Variants in RAB27B observed in about 807,000 individuals in gnomAD.
RAB27B encodes RAB27B, member RAS oncogene family, also known as ras-related protein Rab-27B.
RAB27B carries 15 observed loss-of-function variants against 24.6 expected under a neutral mutation model. The ratio of observed to expected loss-of-function variants is 0.61; its 90% CI spans 0.41 to 0.94. The LOEUF is 0.94. Among genes scored for constraint, RAB27B ranks in the 40% least tolerant of loss-of-function variants. The pLI is 0.00. For missense variants in RAB27B, 261 were observed against 266.8 expected (o/e 0.98, Z 0.15); for synonymous variants, 105 against 92.5 (o/e 1.14, Z -0.78).
intron 2 of RAB27B, among the ~76,000 whole-genome samples, chr18:54,771,096 C>A (rs1598892164): frequency 6.6e-6 from 1 of 152,040 alleles, no homozygotes; most frequent in African/African-American, 2.4e-5. Context: ...ATGGGGTGAG[C>A]AAGAGAGACC....
At chr18:54,868,636 T>TTGTG (rs1316496571) in intron 1 of RAB27B, among the ~76,000 whole-genome samples, 1 of 152,014 alleles carries the variant, frequency 6.6e-6, no homozygotes, top group East Asian at 1.9e-4. Context: ...GTTTGTTTGT[T>TTGTG]TTTTGAGACG....
intron 1 of RAB27B, among the ~76,000 whole-genome samples, chr18:54,871,077 G>A (rs532543719): frequency 6.6e-6 from 1 of 152,156 alleles, no homozygotes; most frequent in South Asian, 2.1e-4. Flanking sequence ...TTTGGTTGAT[G>A]TTAATTTATA....
chr18:54,877,303 T>G lies in RAB27B; in HGVS notation c.-19-264T>G, dbSNP rs534316651. The stretch of plus-strand genomic sequence containing the variant: ...TCTCAGGCAGTTCTTTACAGCAGCA[T>G]GAGAACAGACTAATGCACTGTGGCA... On this transcript the variant is annotated intron_variant, in intron 1 of 5. Transcript: ENST00000262094. Among the ~76,000 whole-genome samples, 5 of 152,300 alleles carry G rather than the reference T, an allele frequency of 3.3e-5. 1 individual carries two copies. The highest frequency in any genetic ancestry group is 1.2e-4 in the African/African-American group (5 of 41,576).
intron 2 of RAB27B, among the ~76,000 whole-genome samples, chr18:54,726,848 C>G (rs1457436992): frequency 6.9e-6 from 1 of 143,928 alleles, no homozygotes; most frequent in African/African-American, 2.5e-5. Flanking sequence ...CGTAAACAAT[C>G]TCTAGACTGC....
intron 1 of RAB27B, among the ~76,000 whole-genome samples, chr18:54,831,790 T>A (rs532426721): frequency 2.0e-5 from 3 of 151,508 alleles, no homozygotes; most frequent in Admixed American, 1.3e-4. Flanking sequence ...TCTTTTTTTT[T>A]AACTGAGACA....
rs558107536 is a variant in RAB27B, at chr18:54,730,760, C to A, written c.-20+12619C>A. 1.2e-4 allele frequency among the ~76,000 whole-genome samples: 18 copies of A among 152,256 alleles called. No individual in the cohort carries two copies. The East Asian group carries it at 3.1e-3, about 26-fold the overall frequency. On this transcript the variant is annotated intron_variant, in intron 2 of 4. Coordinates refer to the RAB27B transcript ENST00000586570. ...GAGTAAAAGCTTCCTGAGGCCTCACCAGAAGCAGATGCCAGCACCAGGCTT... is the reference window on the plus strand; with the variant it reads ...GAGTAAAAGCTTCCTGAGGCCTCACAAGAAGCAGATGCCAGCACCAGGCTT...
chr18:54,880,172 T>G (rs1385968008), intron 3 of RAB27B: 3 of 152,288 alleles, frequency 2.0e-5, no homozygotes, highest in Non-Finnish European at 4.4e-5. Context: ...GCCTTCTCAC[T>G]CCAACAAAAT....
At chr18:54,821,986 C>T (rs1389533011) in intron 2 of RAB27B, among the ~76,000 whole-genome samples, 2 of 152,148 alleles carry the variant, frequency 1.3e-5, no homozygotes, top group Admixed American at 1.3e-4. Flanking sequence ...CTCCTGACCT[C>T]AGGTGATCCA....
chr18:54,823,499 A>G (rs1277393449), upstream of RAB27B, among the ~76,000 whole-genome samples: 3 of 152,222 alleles, frequency 2.0e-5, no homozygotes, highest in African/African-American at 7.2e-5. Context: ...GACTCATGCT[A>G]CTAAAGACAA....
chr18:54,810,442 G>A (rs1909926052), intron 2 of RAB27B, among the ~76,000 whole-genome samples: 1 of 152,094 alleles, frequency 6.6e-6, no homozygotes, highest in Non-Finnish European at 1.5e-5. Context: ...TAGAGAGATT[G>A]TGAACTTGTC....
intron 2 of RAB27B, among the ~76,000 whole-genome samples, chr18:54,812,346 AT>A (rs1555658823): frequency 6.6e-6 from 1 of 152,158 alleles, no homozygotes; most frequent in Non-Finnish European, 1.5e-5. Flanking sequence ...CTACAAGAAA[AT>A]TTACAGATGT....
At position 54,804,504 on chromosome 18, in the gene RAB27B, G is replaced by A. The variant is rs929632557; in HGVS notation, c.-19-73063G>A. 2.6e-5 allele frequency among the ~76,000 whole-genome samples: 4 copies of A among 152,302 alleles called. No homozygotes were observed. In the East Asian group the frequency reaches 5.8e-4, roughly 22 times the overall value. ...GAGGCCTCCCCAGCCACATGGAACTGTAAGTCCAATTAAACCTCTTTTTCT... is the reference window on the plus strand; with the variant it reads ...GAGGCCTCCCCAGCCACATGGAACTATAAGTCCAATTAAACCTCTTTTTCT... On this transcript the variant is annotated intron_variant, in intron 2 of 4. Coordinates refer to the RAB27B transcript ENST00000586570.
intron 1 of RAB27B, among the ~76,000 whole-genome samples, chr18:54,855,320 C>T (rs1332200265): frequency 1.3e-5 from 2 of 152,156 alleles, no homozygotes; most frequent in Non-Finnish European, 2.9e-5. Flanking sequence ...CAGCCCAGTT[C>T]CTAACAGGCC....
chr18:54,758,323 A>G (rs1237718789), intron 2 of RAB27B, among the ~76,000 whole-genome samples: 2 of 152,196 alleles, frequency 1.3e-5, no homozygotes, highest in African/African-American at 4.8e-5. Context: ...TGTTTAGGGC[A>G]TTGTGTTAGT....
rs1265800940 is a variant in RAB27B, at chr18:54,892,447, T to C, written c.*3034T>C. ...TGGAATCTGGAGAGTTTAACTGCCT[T>C]CTCTTGGTCTCCTCACTTACTTCTT... On this transcript the variant is annotated 3_prime_UTR_variant, in exon 6 of 6. Coordinates refer to ENST00000262094, the MANE Select transcript of RAB27B (RefSeq NM_004163.4). 1 of 152,046 alleles carries C rather than the reference T, an allele frequency of 6.6e-6. No homozygotes were observed. The highest frequency in any genetic ancestry group is 1.5e-5 in the Non-Finnish European group (1 of 67,956). The allele number at this position is 152,046 out of a possible 1,614,324, so 9.4% of individuals were successfully genotyped here. A position where few individuals can be genotyped will look rare whatever the true frequency, so the allele number is the denominator to read the frequency against.
chr18:54,724,341 G>A (rs549930212), intron 2 of RAB27B, among the ~76,000 whole-genome samples: 3 of 151,646 alleles, frequency 2.0e-5, no homozygotes, highest in East Asian at 3.9e-4. Flanking sequence ...AAAAGTTAAT[G>A]TTATGTGGCT....
At chr18:54,769,579 T>G (rs993958769) in intron 2 of RAB27B, among the ~76,000 whole-genome samples, 1 of 152,156 alleles carries the variant, frequency 6.6e-6, no homozygotes, top group African/African-American at 2.4e-5. Flanking sequence ...ATACAAAAGA[T>G]CTAACTTTAT....
chr18:54,791,448 G>A (rs752064863), intron 2 of RAB27B, among the ~76,000 whole-genome samples: 7 of 152,124 alleles, frequency 4.6e-5, no homozygotes, highest in African/African-American at 7.2e-5. Context: ...GGTGGAACAC[G>A]CCTGTAGTCC....
intron 2 of RAB27B, among the ~76,000 whole-genome samples, chr18:54,754,629 A>T (rs1217341916): frequency 1.3e-5 from 2 of 152,208 alleles, no homozygotes; most frequent in Non-Finnish European, 2.9e-5. Flanking sequence ...TTGTCTACGT[A>T]AAGGTAAACT....
Sources: gnomAD v4.1 joint callset for allele counts (sites outside exome capture counted in the v4.1 genomes callset) on GRCh38, gnomAD v4.1.1 for gene constraint, MANE v1.5 for transcripts, NCBI Gene and HGNC (gene_info 2026-07-23, HGNC 2026-07-21) for gene names.